The following PTPRD variants were observed in gnomAD, a reference collection of about 807,000 sequenced individuals.
PTPRD encodes the protein receptor-type tyrosine-protein phosphatase delta.
In PTPRD, 34 loss-of-function variants were observed where a neutral mutation model predicts 214.5. The ratio of observed to expected loss-of-function variants is 0.16; its 90% confidence interval spans 0.12 to 0.21. The LOEUF (loss-of-function observed/expected upper bound fraction) is 0.21, where lower values mean the gene tolerates loss of function less well. Among genes scored for constraint, PTPRD ranks in the 10% least tolerant of loss-of-function variants. The pLI is 1.00. For synonymous variants in PTPRD, 1,128 were observed against 845.7 expected (o/e 1.33, Z -5.79); for missense variants, 2,545 against 2,398.7 (o/e 1.06, Z -1.27).
rs1950200978 is a variant in PTPRD at position 9,288,532 on chromosome 9, T to C, written c.-202-105169A>G. Among the ~76,000 whole-genome samples the C allele has an allele frequency of 2.0e-5, 3 of 151,826 alleles. No individual in the cohort carries two copies. In the South Asian group the frequency reaches 6.2e-4, roughly 31 times the overall value. ...GTGAGTCTGATAAAACCTGAAAAAA[T>C]ATTTAAAAACAGAAAATTATTAATC... is the stretch of plus-strand genomic sequence containing the variant. On this transcript the variant is annotated intron_variant, in intron 9 of 45. Coordinates refer to ENST00000381196, the MANE Select transcript of PTPRD (RefSeq NM_002839.4).
intron 2 of PTPRD, among the ~76,000 whole-genome samples, chr9:10,385,851 TTAAAG>T (rs1159041855): frequency 9.3e-5 from 14 of 151,092 alleles, no homozygotes; most frequent in African/African-American, 3.1e-4. Context: ...ATTCTTTTCT[TTAAAG>T]TAAAGCTTAG....
intron 3 of PTPRD, among the ~76,000 whole-genome samples, chr9:10,322,954 G>A (rs1209818241): frequency 3.9e-5 from 6 of 151,996 alleles, no homozygotes; most frequent in Middle Eastern, 6.8e-3. Context: ...AGGAATAAAA[G>A]TAACTATGGG....
At chr9:10,362,228 G>A (rs2097406048) in intron 2 of PTPRD, among the ~76,000 whole-genome samples, 1 of 151,994 alleles carries the variant, frequency 6.6e-6, no homozygotes, top group Non-Finnish European at 1.5e-5. Flanking sequence ...TACCATAACA[G>A]TAACAATTTC....
At position 8,936,427 on chromosome 9, in the gene PTPRD, CAAAAAAAAAA is replaced by C. The variant is rs1181403459; in HGVS notation, c.-104+82260_-104+82269del. 8.8e-4 allele frequency among the ~76,000 whole-genome samples: 28 copies of C among 31,654 alleles called. 2 individuals are homozygous for C. In the South Asian group the frequency reaches 0.054, roughly 61 times the overall value. The allele number at this position is 31,654 out of a possible 152,430, so 20.8% of individuals were successfully genotyped here. A position where few individuals can be genotyped will look rare whatever the true frequency, so the allele number is the denominator to read the frequency against. On this transcript the variant is annotated intron_variant, in intron 11 of 45. Coordinates refer to ENST00000381196, the MANE Select transcript of PTPRD (RefSeq NM_002839.4). ...AGGCAACAGAGCAAGACCCTGCCTC[CAAAAAAAAAA>C]AAAAAAAAAAAAAGAAGATGAAAAA...
intron 8 of PTPRD, among the ~76,000 whole-genome samples, chr9:9,557,722 G>T (rs2154289541): frequency 6.6e-6 from 1 of 152,150 alleles, no homozygotes; most frequent in Admixed American, 6.5e-5. Flanking sequence ...TTTGATAATT[G>T]CCAGTTAGAA....
intron 2 of PTPRD, among the ~76,000 whole-genome samples, chr9:10,555,721 T>C (rs1303205280): frequency 6.6e-6 from 1 of 151,992 alleles, no homozygotes; most frequent in Non-Finnish European, 1.5e-5. Context: ...TTTTAAAAAT[T>C]GAAAAGAAGT....
intron 37 of PTPRD, among the ~76,000 whole-genome samples, chr9:8,380,566 T>C (rs1196614434): frequency 6.6e-6 from 1 of 152,210 alleles, no homozygotes; most frequent in Non-Finnish European, 1.5e-5. Context: ...TTTTCTATAA[T>C]TACGGAAAGA....
At chr9:9,601,145 G>A (rs754416699) in intron 7 of PTPRD, among the ~76,000 whole-genome samples, 15,078 of 117,614 alleles carry the variant, frequency 0.13, 1,034 homozygotes, top group Middle Eastern at 0.2. Flanking sequence ...GTGTGTGTGT[G>A]TGTGTATGGG....
intron 10 of PTPRD, among the ~76,000 whole-genome samples, chr9:9,115,586 T>G (rs993917394): frequency 3.9e-5 from 6 of 152,150 alleles, no homozygotes; most frequent in Non-Finnish European, 7.4e-5. Context: ...CTCAAAGAAC[T>G]GAAAGAAGAT....
chr9:9,000,468 G>T lies in PTPRD; in HGVS notation c.-104+18229C>A, dbSNP rs190037651. 4.8e-4 allele frequency among the ~76,000 whole-genome samples: 73 copies of T among 152,032 alleles called. 1 individual carries two copies. In the East Asian group the frequency reaches 0.014, roughly 28 times the overall value. Reference sequence around the variant, plus strand: ...GTAATATTGTGGTTCATCTTGAGGTGCTTGTTATAACTTCACTTTAAGAAA... The same window carrying T: ...GTAATATTGTGGTTCATCTTGAGGTTCTTGTTATAACTTCACTTTAAGAAA... On this transcript the variant is annotated intron_variant, in intron 11 of 45. Coordinates refer to ENST00000381196, the MANE Select transcript of PTPRD (RefSeq NM_002839.4).
intron 11 of PTPRD, among the ~76,000 whole-genome samples, chr9:8,803,035 C>A (rs2096603513): frequency 6.6e-6 from 1 of 152,032 alleles, no homozygotes; most frequent in African/African-American, 2.4e-5. Context: ...CCGGCCTCGG[C>A]AACAGAGCAA....
chr9:9,475,915 G>A (rs150872440), intron 8 of PTPRD, among the ~76,000 whole-genome samples: 1 of 152,236 alleles, frequency 6.6e-6, no homozygotes, highest in Non-Finnish European at 1.5e-5. Flanking sequence ...TACCTCCGCA[G>A]TGGTAGTTTC....
chr9:8,323,428 T>C (rs773221481), intron 44 of PTPRD, among the ~76,000 whole-genome samples: 5 of 152,322 alleles, frequency 3.3e-5, no homozygotes, highest in East Asian at 1.9e-4. Flanking sequence ...GCAAAGTAAA[T>C]TGAAAATTTA....
chr9:10,300,385 T>G (rs1315085401), intron 3 of PTPRD, among the ~76,000 whole-genome samples: 1 of 152,082 alleles, frequency 6.6e-6, no homozygotes, highest in Non-Finnish European at 1.5e-5. Context: ...CATACCCCAG[T>G]GGCACCTGGA....
chr9:8,542,693 C>G (rs1216319589), intron 14 of PTPRD, among the ~76,000 whole-genome samples: 1 of 152,214 alleles, frequency 6.6e-6, no homozygotes, highest in Non-Finnish European at 1.5e-5. Context: ...GAACACTGAT[C>G]CAGCTTTTCC....
At chr9:9,484,347 G>A (rs911816774) in intron 8 of PTPRD, among the ~76,000 whole-genome samples, 1 of 152,070 alleles carries the variant, frequency 6.6e-6, no homozygotes, top group Admixed American at 6.6e-5. Context: ...TCCAAGAATA[G>A]ACATGGTAAT....
At chr9:10,154,025 G>A (rs933272838) in intron 3 of PTPRD, among the ~76,000 whole-genome samples, 1 of 151,976 alleles carries the variant, frequency 6.6e-6, no homozygotes, top group Non-Finnish European at 1.5e-5. Flanking sequence ...GGGTGGAATG[G>A]TAGTTCTGTT....
At chr9:9,251,561 T>C (rs1035724101) in intron 9 of PTPRD, among the ~76,000 whole-genome samples, 1 of 152,108 alleles carries the variant, frequency 6.6e-6, no homozygotes, top group Non-Finnish European at 1.5e-5. Context: ...GAATGTACTT[T>C]CCTTCGGGCA....
At chr9:9,117,738 G>T (rs2099813740) in intron 10 of PTPRD, among the ~76,000 whole-genome samples, 2 of 151,600 alleles carry the variant, frequency 1.3e-5, no homozygotes, top group African/African-American at 2.4e-5. Flanking sequence ...AATATGCCAA[G>T]AAAAAAAATA....
Sources: gnomAD v4.1 joint callset for allele counts (sites outside exome capture counted in the v4.1 genomes callset) on GRCh38, gnomAD v4.1.1 for gene constraint, MANE v1.5 for transcripts, NCBI Gene and HGNC (gene_info 2026-07-23, HGNC 2026-07-21) for gene names.